CELF2: variants seen among roughly 807,000 people sequenced by gnomAD.
CELF2 encodes CUGBP Elav-like family member 2.
Under a neutral mutation model 62.6 loss-of-function variants are expected in CELF2, and 8 were observed. The ratio of observed to expected loss-of-function variants is 0.13; its 90% CI spans 0.07 to 0.23. The LOEUF is 0.23. Among genes scored for constraint, CELF2 ranks in the 10% least tolerant of loss-of-function variants. The probability of loss-of-function intolerance (pLI) is 1.00; values close to 1 mark genes in which losing one functional copy is unlikely to be tolerated. For missense variants in CELF2, 333 were observed against 671.0 expected, an observed-to-expected ratio of 0.50 and a Z score of 5.56; for synonymous variants, 258 against 250.0, an observed-to-expected ratio of 1.03 and a Z score of -0.30.
the CELF2 span, among the ~76,000 whole-genome samples, chr10:10,599,285 T>C: frequency 6.6e-6 from 1 of 152,214 alleles, no homozygotes; most frequent in Non-Finnish European, 1.5e-5. Flanking sequence ...TCACTTAATT[T>C]CCTTGACATT....
Position 11,145,116 on chromosome 10 carries a change from T to C in CELF2, c.75-20370T>C, listed in dbSNP as rs1160619304. The stretch of plus-strand genomic sequence containing the variant: ...CAAAGGTAATCTGTTTGTTATGTAC[T>C]TTCCTTTATTATCCCAGCAAGTCCC... On this transcript the variant is annotated intron_variant, in intron 1 of 12. Transcript: ENST00000633077. The surrounding 1 kb of genome is among the most constrained non-coding windows in gnomAD (Gnocchi z 4.3). 6.6e-6 allele frequency among the ~76,000 whole-genome samples: 1 copy of C among 152,202 alleles called. No individual in the cohort carries two copies. Among genetic ancestry groups the C allele is most frequent in the East Asian group, 1.9e-4 (1 of 5,198 alleles).
chr10:10,917,313 C>A (rs914256953), intron 1 of CELF2, among the ~76,000 whole-genome samples: 2 of 152,120 alleles, frequency 1.3e-5, no homozygotes, highest in South Asian at 4.1e-4. Context: ...ATGGACATTT[C>A]TATTGCAGTG....
At chr10:11,150,577 G>A (rs561619409) in intron 1 of CELF2, among the ~76,000 whole-genome samples, 1 of 152,210 alleles carries the variant, frequency 6.6e-6, no homozygotes, top group Non-Finnish European at 1.5e-5. Flanking sequence ...AACAGTGGCT[G>A]CACTGAGCTC....
chr10:10,696,831 C>T, the CELF2 span, among the ~76,000 whole-genome samples: 3 of 152,238 alleles, frequency 2.0e-5, no homozygotes, highest in South Asian at 2.1e-4. Context: ...ATGCCTTGCC[C>T]TGCTTCGGCT....
At chr10:11,093,701 T>C (rs116720562) in intron 1 of CELF2, among the ~76,000 whole-genome samples, 4,793 of 152,288 alleles carry the variant, frequency 0.031, 255 homozygotes, top group African/African-American at 0.11. Flanking sequence ...TTACATGCCT[T>C]GTCCAGGCCC....
intron 1 of CELF2, among the ~76,000 whole-genome samples, chr10:10,890,964 G>C (rs372035060): frequency 6.6e-6 from 1 of 152,082 alleles, no homozygotes; most frequent in Admixed American, 6.5e-5. Context: ...GCAGTGAGCC[G>C]AGACTGCAGC....
upstream of CELF2, among the ~76,000 whole-genome samples, chr10:11,013,983 C>G (rs532060996): frequency 6.6e-5 from 10 of 152,322 alleles, 1 homozygote; most frequent in South Asian, 2.1e-3. The surrounding 1 kb of genome is among the most constrained non-coding windows in gnomAD (Gnocchi z 4.1). Context: ...GATATTCTCT[C>G]AGGTACTTAA....
rs1169208344 is a variant in CELF2 at position 11,255,336 on chromosome 10, A to G, written c.404-2402A>G. 6.6e-6 allele frequency among the ~76,000 whole-genome samples: 1 copy of G among 152,074 alleles called. No individual in the cohort carries two copies. Among genetic ancestry groups the G allele is most frequent in the East Asian group, 1.9e-4 (1 of 5,178 alleles). ...GCTCAGGCCAGCTGATGCTTTCCTC[A>G]CTGAGCTCCTTCTCTGCACATGAAG... On this transcript the variant is annotated intron_variant, in intron 4 of 12. Transcript: ENST00000633077. This position sits in a 1 kb window ranked among gnomAD's most constrained non-coding sequence, Gnocchi z 5.5.
the CELF2 span, among the ~76,000 whole-genome samples, chr10:10,763,478 T>C: frequency 6.6e-6 from 1 of 152,176 alleles, no homozygotes; most frequent in Non-Finnish European, 1.5e-5. Context: ...CCACCCTGCA[T>C]GGTCATGCAA....
Position 11,237,059 on chromosome 10 carries a change from A to G in CELF2, c.355-12094A>G, listed in dbSNP as rs375351399. ...TTCTAGACTGAGTTTTAGACAGATT[A>G]AAAAGGCAATGGTGTAGAAGATGGA... On this transcript the variant is annotated intron_variant, in intron 3 of 12. Coordinates refer to ENST00000633077, the MANE Select transcript of CELF2 (RefSeq NM_001326342.2). This position sits in a 1 kb window ranked among gnomAD's most constrained non-coding sequence, Gnocchi z 4.0. 1.4e-4 allele frequency among the ~76,000 whole-genome samples: 21 copies of G among 152,352 alleles called. 1 individual carries two copies. Among genetic ancestry groups the G allele is most frequent in the African/African-American group, 4.8e-4 (20 of 41,572 alleles).
At chr10:10,861,227 G>A (rs538956259) in intron 1 of CELF2, among the ~76,000 whole-genome samples, 12 of 151,986 alleles carry the variant, frequency 7.9e-5, no homozygotes, top group Non-Finnish European at 1.5e-4. Context: ...GTGCATCCCA[G>A]CACACTCAGC....
chr10:10,954,489 G>A (rs950224863), intron 2 of CELF2, among the ~76,000 whole-genome samples: 7 of 151,926 alleles, frequency 4.6e-5, no homozygotes, highest in African/African-American at 9.7e-5. Flanking sequence ...CTTGTGATCC[G>A]CCCACCTTGG....
intron 1 of CELF2, among the ~76,000 whole-genome samples, chr10:10,806,491 A>G (rs2055249706): frequency 6.6e-6 from 1 of 152,270 alleles, no homozygotes; most frequent in African/African-American, 2.4e-5. Flanking sequence ...GGCATGAGCC[A>G]CTGCACCCAG....
At chr10:11,228,989 A>G (rs1279770351) in intron 3 of CELF2, among the ~76,000 whole-genome samples, 2 of 152,208 alleles carry the variant, frequency 1.3e-5, no homozygotes, top group Non-Finnish European at 2.9e-5. Flanking sequence ...TGTGCAGGAA[A>G]GTAGGCCGGA....
At chr10:10,713,108 A>T in the CELF2 span, among the ~76,000 whole-genome samples, 1 of 152,054 alleles carries the variant, frequency 6.6e-6, no homozygotes, top group Non-Finnish European at 1.5e-5. Flanking sequence ...ACCTTTGCCT[A>T]CTGTTCCTTT....
At chr10:10,883,622 G>A (rs969792139) in intron 1 of CELF2, among the ~76,000 whole-genome samples, 2 of 152,104 alleles carry the variant, frequency 1.3e-5, no homozygotes, top group Non-Finnish European at 2.9e-5. Flanking sequence ...TTTGTGAAGG[G>A]GACAGGATCC....
chr10:11,193,365 C>T (rs796710482), intron 2 of CELF2, among the ~76,000 whole-genome samples: 2 of 152,228 alleles, frequency 1.3e-5, no homozygotes, highest in Non-Finnish European at 2.9e-5. Context: ...TAAGAAATCA[C>T]ACATTTCTGT....
the CELF2 span, among the ~76,000 whole-genome samples, chr10:10,474,430 A>T: frequency 6.6e-6 from 1 of 152,124 alleles, no homozygotes; most frequent in Non-Finnish European, 1.5e-5. Flanking sequence ...AGAAAGCCAA[A>T]AAGTTAAACA....
the CELF2 span, among the ~76,000 whole-genome samples, chr10:10,623,260 T>C: frequency 1.3e-5 from 2 of 152,068 alleles, no homozygotes; most frequent in Non-Finnish European, 2.9e-5. Flanking sequence ...TTCTTATTCC[T>C]CAGAGAGCAG....
Sources: allele counts gnomAD v4.1 joint callset (sites outside exome capture counted in the v4.1 genomes callset), GRCh38; gene constraint gnomAD v4.1.1; non-coding constraint Gnocchi (gnomAD v3.1); transcripts MANE v1.5; gene names NCBI Gene and HGNC (gene_info 2026-07-23, HGNC 2026-07-21).